The following ENOX1 variants were observed in gnomAD, a reference collection of about 807,000 sequenced individuals.
ENOX1 encodes ecto-NOX disulfide-thiol exchanger 1.
In ENOX1, 42 loss-of-function variants were observed where a neutral mutation model predicts 82.5. The observed-to-expected ratio is 0.51, with a 90% confidence interval of 0.40 to 0.66. ENOX1 has a LOEUF of 0.66. Ranked by LOEUF, ENOX1 falls within the 30% of genes least tolerant of loss-of-function variation. The pLI is 0.00. For synonymous variants in ENOX1, 271 were observed against 282.2 expected (o/e 0.96, Z 0.40); for missense variants, 608 against 811.6 (o/e 0.75, Z 3.05).
intron 11 of ENOX1, among the ~76,000 whole-genome samples, chr13:43,308,743 A>G (rs1440894228): frequency 1.3e-5 from 2 of 152,218 alleles, no homozygotes; most frequent in Non-Finnish European, 2.9e-5. Flanking sequence ...AAAGTTTCCC[A>G]GGTGATTCTC....
chr13:43,774,826 C>T (rs543418108), intron 1 of ENOX1, among the ~76,000 whole-genome samples: 24 of 152,270 alleles, frequency 1.6e-4, no homozygotes, highest in African/African-American at 5.5e-4. Context: ...ATCCATGCCA[C>T]AAGCCACAAG....
chr13:43,282,943 T>G (rs2045480016), intron 12 of ENOX1, among the ~76,000 whole-genome samples: 1 of 151,720 alleles, frequency 6.6e-6, no homozygotes, highest in South Asian at 2.1e-4. Context: ...AAATACAAAA[T>G]TAGCTGGGCA....
rs111909854 is a variant in ENOX1, at chr13:43,409,456, G to A, written c.208+2460C>T. 5.2e-3 allele frequency among the ~76,000 whole-genome samples: 790 copies of A among 152,218 alleles called. 7 individuals carry two copies. The highest frequency in any genetic ancestry group is 0.018 in the African/African-American group (757 of 41,550). On this transcript the variant is annotated intron_variant, in intron 5 of 16. Coordinates refer to ENST00000690772, the MANE Select transcript of ENOX1 (RefSeq NM_001347969.2). ...GAGAAAGAAAGAAATAAGAACAAAGGAGTAAGAAGAATATTTAATGTATGC... is the reference window on the plus strand; with the variant it reads ...GAGAAAGAAAGAAATAAGAACAAAGAAGTAAGAAGAATATTTAATGTATGC...
intron 2 of ENOX1, among the ~76,000 whole-genome samples, chr13:43,589,860 C>T (rs567961000): frequency 6.7e-6 from 1 of 149,692 alleles, no homozygotes; most frequent in Non-Finnish European, 1.5e-5. Flanking sequence ...TATTGAAGCC[C>T]TGGTACCCCA....
At chr13:43,603,217 C>G (rs977197271) in intron 2 of ENOX1, among the ~76,000 whole-genome samples, 9 of 151,924 alleles carry the variant, frequency 5.9e-5, no homozygotes, top group African/African-American at 2.2e-4. Context: ...ATGCCATGCT[C>G]TTTCAATATG....
intron 1 of ENOX1, among the ~76,000 whole-genome samples, chr13:43,749,604 G>A (rs1950207319): frequency 1.3e-5 from 2 of 152,078 alleles, no homozygotes; most frequent in South Asian, 2.1e-4. Context: ...TGCTCCTCAC[G>A]GGCAATTAGC....
chr13:43,308,267 A>G (rs1156277893), intron 11 of ENOX1, among the ~76,000 whole-genome samples: 1 of 151,706 alleles, frequency 6.6e-6, no homozygotes, highest in Non-Finnish European at 1.5e-5. Context: ...CTCCACTTAA[A>G]CTACCTCCCT....
At chr13:43,634,069 C>T (rs1012184943) in intron 2 of ENOX1, among the ~76,000 whole-genome samples, 1 of 152,112 alleles carries the variant, frequency 6.6e-6, no homozygotes, top group Non-Finnish European at 1.5e-5. Flanking sequence ...GTTGAACTGG[C>T]AGAAAGTTAT....
intron 2 of ENOX1, among the ~76,000 whole-genome samples, chr13:43,626,463 TCTC>T (rs1282405749): frequency 1.3e-4 from 19 of 151,894 alleles, no homozygotes; most frequent in African/African-American, 4.6e-4. Context: ...TAAATTTCCC[TCTC>T]ATCACTGCTT....
chr13:43,786,101 A>G lies in ENOX1; in HGVS notation c.-285+551T>C, dbSNP rs1429162836. Among the ~76,000 whole-genome samples, 1 of 152,054 alleles carries G rather than the reference A, an allele frequency of 6.6e-6. No homozygotes were observed. Among genetic ancestry groups the G allele is most frequent in the Non-Finnish European group, 1.5e-5 (1 of 67,990 alleles). On this transcript the variant is annotated intron_variant, in intron 1 of 16. Coordinates refer to ENST00000690772, the MANE Select transcript of ENOX1 (RefSeq NM_001347969.2). This position sits in a 1 kb window ranked among gnomAD's most constrained non-coding sequence, Gnocchi z 6.0. ...CGAGAGGGGACAGTCACGAATAACA[A>G]CAGTACCCAGCGCAGACTAGGCGGG...
At chr13:43,687,009 A>G (rs1340719653) in intron 1 of ENOX1, among the ~76,000 whole-genome samples, 1 of 152,144 alleles carries the variant, frequency 6.6e-6, no homozygotes, top group Non-Finnish European at 1.5e-5. Flanking sequence ...GTATATATAC[A>G]TTTCCATTTT....
At chr13:43,433,742 C>A (rs1002238496) in intron 3 of ENOX1, among the ~76,000 whole-genome samples, 1 of 152,166 alleles carries the variant, frequency 6.6e-6, no homozygotes, top group Non-Finnish European at 1.5e-5. Flanking sequence ...TGTTCCATGG[C>A]CAATTTGCCA....
chr13:43,379,625 G>A (rs1439228911), intron 5 of ENOX1, among the ~76,000 whole-genome samples: 1 of 151,990 alleles, frequency 6.6e-6, no homozygotes, highest in Non-Finnish European at 1.5e-5. Flanking sequence ...CAAATGAAAC[G>A]TGGAGAAAAA....
intron 2 of ENOX1, among the ~76,000 whole-genome samples, chr13:43,637,706 A>C (rs1288826542): frequency 6.6e-6 from 1 of 152,066 alleles, no homozygotes; most frequent in Non-Finnish European, 1.5e-5. Context: ...ATCCACTGAG[A>C]TTTTCAAACT....
chr13:43,252,045 G>T (rs912546822), intron 14 of ENOX1, among the ~76,000 whole-genome samples: 3 of 152,248 alleles, frequency 2.0e-5, no homozygotes, highest in East Asian at 1.9e-4. Flanking sequence ...ATAGTTTCAA[G>T]TCATCTTCCT....
At chr13:43,760,090 T>C (rs2153835044) in intron 1 of ENOX1, among the ~76,000 whole-genome samples, 1 of 152,308 alleles carries the variant, frequency 6.6e-6, no homozygotes, top group Middle Eastern at 3.4e-3. Flanking sequence ...TTATCAACAA[T>C]AAGACTCTCT....
At chr13:43,381,853 T>C (rs2052073288) in intron 5 of ENOX1, among the ~76,000 whole-genome samples, 1 of 151,976 alleles carries the variant, frequency 6.6e-6, no homozygotes. Flanking sequence ...ATTAAAGAAG[T>C]AGACTTTGTA....
At chr13:43,235,643 A>G (rs1239510568) in intron 15 of ENOX1, among the ~76,000 whole-genome samples, 2 of 151,954 alleles carry the variant, frequency 1.3e-5, no homozygotes, top group Non-Finnish European at 2.9e-5. Context: ...GAGGCAGGAG[A>G]ATCACTTGAA....
Position 43,556,127 on chromosome 13 carries a change from C to T in ENOX1, c.-218-71975G>A, listed in dbSNP as rs555516457. Reference sequence around the variant, plus strand: ...GGTGAGCTCTCACTGTAACATGGGACGTAAATAATTGTATTTTTTCTAAAT... The same window carrying T: ...GGTGAGCTCTCACTGTAACATGGGATGTAAATAATTGTATTTTTTCTAAAT... On this transcript the variant is annotated intron_variant, in intron 2 of 16. Transcript: ENST00000690772. 6.6e-5 allele frequency among the ~76,000 whole-genome samples: 10 copies of T among 152,154 alleles called. No individual in the cohort carries two copies. In the East Asian group the frequency reaches 7.7e-4, roughly 12 times the overall value.
Sources: gnomAD v4.1 joint callset for allele counts (sites outside exome capture counted in the v4.1 genomes callset) on GRCh38, gnomAD v4.1.1 for gene constraint, Gnocchi (gnomAD v3.1) non-coding constraint, MANE v1.5 for transcripts, NCBI Gene and HGNC (gene_info 2026-07-23, HGNC 2026-07-21) for gene names.